ZNF728: variants seen among roughly 807,000 people sequenced by gnomAD.
ZNF728 encodes the protein zinc finger protein 728.
A neutral mutation model predicts 12.5 loss-of-function variants in ZNF728; 12 were observed. The observed-to-expected ratio is 0.96, with a 90% confidence interval of 0.61 to 1.55. The LOEUF is 1.55. ZNF728 is among the 40% of genes most tolerant of loss of function. The pLI is 0.00. For missense variants in ZNF728, 692 were observed against 719.2 expected (o/e 0.96, Z 0.43); for synonymous variants, 205 against 240.7 (o/e 0.85, Z 1.37).
intron 3 of ZNF728, among the ~76,000 whole-genome samples, chr19:22,980,483 A>T (rs1408615825): frequency 1.3e-5 from 2 of 152,196 alleles, no homozygotes; most frequent in Admixed American, 6.5e-5. Context: ...GAGACAGAAC[A>T]CTAACAAGGA....
At chr19:22,979,207 C>T (rs1438417535) in intron 3 of ZNF728, among the ~76,000 whole-genome samples, 1 of 151,952 alleles carries the variant, frequency 6.6e-6, no homozygotes, top group Admixed American at 6.6e-5. Context: ...ATGAGAACTT[C>T]GTGATACATG....
At position 22,987,312 on chromosome 19, in the gene ZNF728, C is replaced by A. The variant is rs115069388; in HGVS notation, c.222G>T (p.Pro74=). The A allele has an allele frequency of 4.3e-6, 7 of 1,609,294 alleles. No individual in the cohort carries two copies. Among genetic ancestry groups the A allele is most frequent in the African/African-American group, 1.3e-5 (1 of 74,726 alleles). ...NMKRHELVKE[P]PVICSHFAQD... The stretch of plus-strand genomic sequence containing the variant: ...TCTGTATTCATTCTCACCTACCTGG[C>A]GGTTCTTTCACCAGCTCATGTCTCT... Residue 74 remains proline, a synonymous_variant, in exon 3 of 4, where the codon CCG becomes CCT. Coordinates refer to ENST00000594710, the MANE Select transcript of ZNF728 (RefSeq NM_001267716.2).
intron 3 of ZNF728, among the ~76,000 whole-genome samples, chr19:22,984,499 C>T (rs1226461307): frequency 6.9e-6 from 1 of 144,606 alleles, no homozygotes; most frequent in Non-Finnish European, 1.5e-5. Context: ...GCAGAGGTTG[C>T]AGTGAGCCAA....
At chr19:22,991,264 A>T (rs10401567) in intron 1 of ZNF728, among the ~76,000 whole-genome samples, 6,224 of 152,354 alleles carry the variant, frequency 0.041, 439 homozygotes, top group African/African-American at 0.14. Flanking sequence ...GTGATGTTAC[A>T]GAGTGCTGTG....
intron 1 of ZNF728, chr19:22,995,031 C>T (rs1969033826): frequency 6.5e-6 from 1 of 153,420 alleles, no homozygotes; most frequent in Non-Finnish European, 1.4e-5. Flanking sequence ...AGAATTGCAC[C>T]TTCACAATAA....
At chr19:23,000,882 A>AC (rs1434101592) in intron 1 of ZNF728, among the ~76,000 whole-genome samples, 11 of 118,346 alleles carry the variant, frequency 9.3e-5, no homozygotes, top group African/African-American at 5.5e-4. Flanking sequence ...AAAAAAAAAA[A>AC]AAACCAAAAA....
intron 3 of ZNF728, 50 bp downstream of exon 3, chr19:22,987,258 C>T (rs767540510): frequency 6.5e-7 from 1 of 1,547,170 alleles, no homozygotes. Context: ...CTGGCTTTCT[C>T]CTTGACTTTG....
Position 22,976,796 on chromosome 19 carries a change from A to G in ZNF728, c.541T>C (p.Ser181Pro). ...GATAGGTGTGAAAGCATGCAAAATG[A>G]TCTGACATATTCTTTACATTTCAAA... ...KLLKCKEYVR[S>P]FCMLSHLSQH... The change falls in exon 4 of 4, where the codon TCA (serine) becomes CCA (proline). Residue 181 changes from serine (S) to proline (P), a missense_variant. Transcript: ENST00000594710. 1 of 1,613,500 alleles carries G rather than the reference A, an allele frequency of 6.2e-7. No homozygotes were observed. The highest frequency in any genetic ancestry group is 8.5e-7 in the Non-Finnish European group (1 of 1,179,844).
chr19:22,999,532 G>A (rs1213188060), intron 1 of ZNF728, among the ~76,000 whole-genome samples: 3 of 151,976 alleles, frequency 2.0e-5, no homozygotes, highest in Non-Finnish European at 4.4e-5. Flanking sequence ...TCCTTTTGCC[G>A]GCTCAAAATT....
At chr19:22,997,558 T>C (rs1969061888) in intron 1 of ZNF728, among the ~76,000 whole-genome samples, 1 of 152,098 alleles carries the variant, frequency 6.6e-6, no homozygotes, top group Non-Finnish European at 1.5e-5. Flanking sequence ...ATCAGAAAGT[T>C]AGATCTCAGT....
chr19:22,996,501 A>T (rs1014284766), intron 1 of ZNF728, among the ~76,000 whole-genome samples: 1 of 152,172 alleles, frequency 6.6e-6, no homozygotes, highest in East Asian at 1.9e-4. Context: ...CTTTTAGTCT[A>T]TATTATTCTG....
In ZNF728 at chr19:22,975,814, T is replaced by TA; in HGVS notation, c.1522dup (p.Tyr508LeufsTer4). 1 of 1,612,376 alleles carries TA rather than the reference T, an allele frequency of 6.2e-7. No homozygotes were observed. Reference sequence around the variant, plus strand: ...GGCTTTGCCACATTCTTCACATTTGTAGGGTTTCTCTCCAGTATGAATTCT... The same window carrying TA: ...GGCTTTGCCACATTCTTCACATTTGTAAGGGTTTCTCTCCAGTATGAATTCT... On this transcript the variant is annotated frameshift_variant, in exon 4 of 4. Coordinates refer to ENST00000594710, the MANE Select transcript of ZNF728 (RefSeq NM_001267716.2). LOFTEE classifies it low-confidence loss of function (END_TRUNC).
chr19:22,975,750 A>T lies in ZNF728; in HGVS notation c.1587T>A (p.Ile529=), dbSNP rs764465352. The change falls in exon 4 of 4, where the codon ATT becomes ATA. Residue 529 remains isoleucine (I), a synonymous_variant. Coordinates refer to ENST00000594710, the MANE Select transcript of ZNF728 (RefSeq NM_001267716.2). ...KVANLTKHKV[I]HTGEKQYKCE... is the part of the protein sequence containing the mutation. Reference sequence around the variant, plus strand: ...ATTTGTATTGTTTCTCTCCAGTATGAATTACCTTATGTTTAGTAAGGTTTG... The same window carrying T: ...ATTTGTATTGTTTCTCTCCAGTATGTATTACCTTATGTTTAGTAAGGTTTG... The T allele has an allele frequency of 1.9e-6, 3 of 1,611,694 alleles. No homozygotes were observed. The highest frequency in any genetic ancestry group is 3.3e-5 in the Admixed American group (2 of 59,868).
rs568579102 is a variant in ZNF728, at chr19:22,984,197, CTG to C, written c.226+3109_226+3110del. On this transcript the variant is annotated intron_variant, in intron 3 of 3. Coordinates refer to ENST00000594710, the MANE Select transcript of ZNF728 (RefSeq NM_001267716.2). ...AGAAGTCTTACCAAATTTTTTAAAA[CTG>C]AAATTTTATGAATTATTTTCTATGA... Among the ~76,000 whole-genome samples, 325 of 151,642 alleles carry C rather than the reference CTG, an allele frequency of 2.1e-3. 2 individuals carry two copies. The highest frequency in any genetic ancestry group is 3.7e-3 in the Non-Finnish European group (254 of 67,930).
intron 1 of ZNF728, among the ~76,000 whole-genome samples, chr19:22,996,013 C>T (rs539717273): frequency 6.6e-6 from 1 of 152,158 alleles, no homozygotes; most frequent in East Asian, 1.9e-4. Flanking sequence ...TAAAATTATG[C>T]TTACCTATAA....
At position 23,001,686 on chromosome 19, in the gene ZNF728, T is replaced by C. The variant is rs1969115316; in HGVS notation, c.3+1342A>G. On this transcript the variant is annotated intron_variant, in intron 1 of 3. Coordinates refer to ENST00000594710, the MANE Select transcript of ZNF728 (RefSeq NM_001267716.2). ...TACGGAAAACAGAAGAAAAAATATT[T>C]ACAAACAGAAAACAAATCTTTTTAA... is the stretch of plus-strand genomic sequence containing the variant. Among the ~76,000 whole-genome samples, 3 of 152,318 alleles carry C rather than the reference T, an allele frequency of 2.0e-5. No homozygotes were observed. In the South Asian group the frequency reaches 6.2e-4, roughly 32 times the overall value.
intron 1 of ZNF728, among the ~76,000 whole-genome samples, chr19:22,998,896 A>G (rs915722171): frequency 1.3e-5 from 2 of 152,072 alleles, no homozygotes; most frequent in Non-Finnish European, 2.9e-5. Context: ...CACTCTGCAT[A>G]TTTTCTTCTT....
rs796844216 is a variant in ZNF728, at chr19:22,998,369, C to A, written c.3+4659G>T. ...ATCCCATCTATAAAAAAAAAAAAAA[C>A]ATAAAGAAAAATTAGCTAGGCATGG... is the stretch of plus-strand genomic sequence containing the variant. On this transcript the variant is annotated intron_variant, in intron 1 of 3. Transcript: ENST00000594710. 5.8e-3 allele frequency among the ~76,000 whole-genome samples: 797 copies of A among 136,862 alleles called. 11 individuals carry two copies. Among genetic ancestry groups the A allele is most frequent in the African/African-American group, 0.022 (743 of 34,512 alleles). The allele number at this position is 136,862 out of a possible 152,430, so 89.8% of individuals were successfully genotyped here. A position where few individuals can be genotyped will look rare whatever the true frequency, so the allele number is the denominator to read the frequency against.
At chr19:22,988,167 T>C (rs779876905) in intron 2 of ZNF728, among the ~76,000 whole-genome samples, 158 bp downstream of exon 2, 1 of 152,184 alleles carries the variant, frequency 6.6e-6, no homozygotes, top group African/African-American at 2.4e-5. Flanking sequence ...GGGCCCTTGT[T>C]CACTAGAAGC....
Sources: allele counts gnomAD v4.1 joint callset (sites outside exome capture counted in the v4.1 genomes callset), GRCh38; gene constraint gnomAD v4.1.1; transcripts MANE v1.5; gene names NCBI Gene and HGNC (gene_info 2026-07-23, HGNC 2026-07-21).